VWA7: variants seen among roughly 807,000 people sequenced by gnomAD.
VWA7 encodes von Willebrand factor A domain-containing protein 7.
VWA7 carries 66 observed loss-of-function variants against 83.1 expected under a neutral mutation model. That is an observed-to-expected ratio of 0.79 (90% CI 0.65 to 0.98). The LOEUF (loss-of-function observed/expected upper bound fraction) is 0.98, where lower values mean the gene tolerates loss of function less well. Ranked by LOEUF, VWA7 falls within the 50% of genes least tolerant of loss-of-function variation. The pLI, the probability that VWA7 is intolerant of heterozygous loss-of-function variation, is 0.00. For missense variants in VWA7, 1,080 were observed against 1,160.2 expected (o/e 0.93, Z 1.00); for synonymous variants, 424 against 488.5 (o/e 0.87, Z 1.74).
Position 31,773,321 on chromosome 6 carries a change from C to A in VWA7, c.838G>T (p.Ala280Ser), listed in dbSNP as rs1463233464. 3 of 1,608,754 alleles carry A rather than the reference C, an allele frequency of 1.9e-6. No individual in the cohort carries two copies. The highest frequency in any genetic ancestry group is 2.2e-5 in the East Asian group (1 of 44,798). Reference sequence around the variant, plus strand: ...GAGGCTAGAAGGGCCAGTTTTGCAGCCTGGAGGTGCAGCATGTGGTGAGGG... The same window carrying A: ...GAGGCTAGAAGGGCCAGTTTTGCAGACTGGAGGTGCAGCATGTGGTGAGGG... ...FSPHHMLHLQ[A>S]AKLALLASIQ... is the part of the protein sequence containing the mutation. The change falls in exon 6 of 17, where the codon GCT (alanine) becomes TCT (serine). Residue 280 changes from alanine (A) to serine (S), a missense_variant. Coordinates refer to ENST00000375688, the MANE Select transcript of VWA7 (RefSeq NM_025258.3). The surrounding 1 kb of genome is among the most constrained non-coding windows in gnomAD (Gnocchi z 5.3).
Position 31,766,845 on chromosome 6 carries a change from G to C in VWA7, c.1883-81C>G. On this transcript the variant is annotated intron_variant, in intron 13 of 16. Coordinates refer to ENST00000375688, the MANE Select transcript of VWA7 (RefSeq NM_025258.3). The surrounding 1 kb of genome is among the most constrained non-coding windows in gnomAD (Gnocchi z 4.9). ...AAGAATTAATGGCCTTCAAAATAGG[G>C]GTTCCCTCTGGGGAGTATGGATGGG... The C allele has an allele frequency of 6.8e-7, 1 of 1,474,666 alleles. No individual in the cohort carries two copies. The highest frequency in any genetic ancestry group is 9.1e-7 in the Non-Finnish European group (1 of 1,095,278). The allele number at this position is 1,474,666 out of a possible 1,614,324, so 91.3% of individuals were successfully genotyped here.
At position 31,773,418 on chromosome 6, in the gene VWA7, GC is replaced by G. The variant is rs1384067863; in HGVS notation, c.740del (p.Gly247AlafsTer40). 1 of 1,596,642 alleles carries G rather than the reference GC, an allele frequency of 6.3e-7. No individual in the cohort carries two copies. Among genetic ancestry groups the G allele is most frequent in the African/African-American group, 1.3e-5 (1 of 74,598 alleles). ...GCTGGGAGCTGCTCCGGTCAAAATG[GC>G]CCCCGTGGCTACATTTCCCTGGGTT... Reference protein sequence around the residue: ...PKPPGKCSHGGHFDRSSSQPP... With the variant: ...PKPPGKCSHGXHFDRSSSQPP... On this transcript the variant is annotated frameshift_variant, in exon 6 of 17. Coordinates refer to ENST00000375688, the MANE Select transcript of VWA7 (RefSeq NM_025258.3). LOFTEE classifies it high-confidence loss of function. This position sits in a 1 kb window ranked among gnomAD's most constrained non-coding sequence, Gnocchi z 5.3.
intron 10 of VWA7, 134 bp from the exon 11 acceptor site, chr6:31,767,888 T>A: frequency 9.7e-7 from 1 of 1,033,094 alleles, no homozygotes; most frequent in Non-Finnish European, 1.4e-6. Context: ...ATCCCAGCAC[T>A]TTGGGAGGCT....
At position 31,765,961 on chromosome 6, in the gene VWA7, A is replaced by G; in HGVS notation, c.2421T>C (p.Thr807=). The part of the protein sequence containing the change: ...APDSVVMVTV[T]AGGREANPVP... ...CTGGGTTGGCTTCTCGTCCCCCTGC[A>G]GTCACAGTCACCATCACCACGGAAT... The change falls in exon 16 of 17, where the codon ACT becomes ACC. Residue 807 remains threonine, a synonymous_variant. Transcript: ENST00000375688. The G allele has an allele frequency of 7.4e-6, 12 of 1,613,078 alleles. No individual in the cohort carries two copies. Among genetic ancestry groups the G allele is most frequent in the Non-Finnish European group, 1.0e-5 (12 of 1,180,020 alleles).
In VWA7 at chr6:31,769,508, C is replaced by T. The variant is rs1811962168; in HGVS notation, c.1317+167G>A. 1.3e-5 allele frequency among the ~76,000 whole-genome samples: 2 copies of T among 152,202 alleles called. No homozygotes were observed. The highest frequency in any genetic ancestry group is 3.8e-4 in the East Asian group (2 of 5,198). On this transcript the variant is annotated intron_variant, in intron 9 of 16. Coordinates refer to ENST00000375688, the MANE Select transcript of VWA7 (RefSeq NM_025258.3). This position sits in a 1 kb window ranked among gnomAD's most constrained non-coding sequence, Gnocchi z 4.5. The stretch of plus-strand genomic sequence containing the variant: ...TAAGGGTAGGGCCTCTTACGTATAT[C>T]ATTAAAGGTATCAGGAAATGTTCCA...
In VWA7 at chr6:31,774,511, G is replaced by A. The variant is rs1329639120; in HGVS notation, c.721+5C>T. ...TTACTTCTGGGGAACTTTCTTGTCT[G>A]GTACCTGGAGGTTTCGGGGGATGAG... On this transcript the variant is annotated splice_donor_5th_base_variant and intron_variant, in intron 5 of 16. Transcript: ENST00000375688. 1 of 1,612,094 alleles carries A rather than the reference G, an allele frequency of 6.2e-7. No individual in the cohort carries two copies. Among genetic ancestry groups the A allele is most frequent in the African/African-American group, 1.3e-5 (1 of 74,874 alleles).
At chr6:31,768,930 T>C in intron 10 of VWA7, 88 bp downstream of exon 10, 1 of 1,366,500 alleles carries the variant, frequency 7.3e-7, no homozygotes, top group Non-Finnish European at 9.8e-7. Context: ...AACACAGCAG[T>C]GAGAGTGATT....
chr6:31,774,718 C>T (rs1345496727), intron 4 of VWA7, 92 bp from the exon 5 acceptor site: 1 of 1,097,334 alleles, frequency 9.1e-7, no homozygotes, highest in Non-Finnish European at 1.3e-6. Flanking sequence ...CTCCTCCCAG[C>T]TGGGATGAGG....
Position 31,766,770 on chromosome 6 carries a change from A to T in VWA7, c.1883-6T>A, listed in dbSNP as rs2151389981. 6.3e-7 allele frequency: 1 copy of T among 1,596,446 alleles called. No homozygotes were observed. Among genetic ancestry groups the T allele is most frequent in the East Asian group, 2.2e-5 (1 of 44,456 alleles). ...CAGCAGCTGGGTCTGAAGACCTGGG[A>T]CAGGGGCGAGGAGGGGAGAACATTG... On this transcript the variant is annotated splice_region_variant and splice_polypyrimidine_tract_variant and intron_variant, in intron 13 of 16. Coordinates refer to ENST00000375688, the MANE Select transcript of VWA7 (RefSeq NM_025258.3). The surrounding 1 kb of genome is among the most constrained non-coding windows in gnomAD (Gnocchi z 4.9).
In VWA7 at chr6:31,775,476, T is replaced by C. The variant is rs1812597685; in HGVS notation, c.514-47A>G. 5 of 1,544,504 alleles carry C rather than the reference T, an allele frequency of 3.2e-6. No individual in the cohort carries two copies. In the South Asian group the frequency reaches 5.8e-5, roughly 18 times the overall value. On this transcript the variant is annotated intron_variant, in intron 3 of 16. Transcript: ENST00000375688. This position sits in a 1 kb window ranked among gnomAD's most constrained non-coding sequence, Gnocchi z 5.9. ...GGGGAGTGAGGCACTAGTCTGGCCT[T>C]TCTCACCATCTCCAGCACTAATATG...
chr6:31,770,218 C>A, intron 7 of VWA7, 105 bp from the exon 8 acceptor site: 1 of 852,808 alleles, frequency 1.2e-6, no homozygotes. Context: ...CTGGAGCCGA[C>A]AGGTATTGAA....
Position 31,774,601 on chromosome 6 carries a change from G to A in VWA7, c.636C>T (p.Cys212=), listed in dbSNP as rs1395294549. 1.2e-5 allele frequency: 19 copies of A among 1,612,694 alleles called. No individual in the cohort carries two copies. The highest frequency in any genetic ancestry group is 1.4e-5 in the Non-Finnish European group (16 of 1,179,932). The change falls in exon 5 of 17, where the codon TGC becomes TGT. Residue 212 remains cysteine, a synonymous_variant. Transcript: ENST00000375688. ...AQVADPTCSD[C]EELSCPRNWL... ...AATTCCTGGGGCAGCTCAACTCCTCGCAATCGGAGCAGGTAGGATCGGCCA... is the reference window on the plus strand; with the variant it reads ...AATTCCTGGGGCAGCTCAACTCCTCACAATCGGAGCAGGTAGGATCGGCCA...
intron 10 of VWA7, 71 bp from the exon 11 acceptor site, chr6:31,767,825 G>A (rs1317733777): frequency 2.6e-6 from 4 of 1,538,250 alleles, no homozygotes; most frequent in African/African-American, 1.4e-5. Context: ...AGAAGAAAGG[G>A]GAGATAGAAA....
At chr6:31,767,815 A>G in intron 10 of VWA7, 61 bp from the exon 11 acceptor site, 3 of 1,557,578 alleles carry the variant, frequency 1.9e-6, no homozygotes, top group Admixed American at 3.6e-5. Flanking sequence ...TGAGGAACAA[A>G]GAAGAAAGGG....
intron 7 of VWA7, chr6:31,771,848 G>C (rs934632036): frequency 6.6e-6 from 1 of 152,022 alleles, no homozygotes; most frequent in African/African-American, 2.4e-5. Context: ...AAAATTAGCC[G>C]GGCGTGGTGG....
rs1256727022 is a variant in VWA7 at position 31,766,058 on chromosome 6, C to G, written c.2325-1G>C. 6.2e-7 allele frequency: 1 copy of G among 1,612,852 alleles called. No individual in the cohort carries two copies. Among genetic ancestry groups the G allele is most frequent in the African/African-American group, 1.3e-5 (1 of 74,946 alleles). Reference sequence around the variant, plus strand: ...CGACTCATTCAGTTCCAGGTGAGCCCTGGAGAGAGGATATAGGCGTCGCTA... The same window carrying G: ...CGACTCATTCAGTTCCAGGTGAGCCGTGGAGAGAGGATATAGGCGTCGCTA... On this transcript the variant is annotated splice_acceptor_variant, in intron 15 of 16. Transcript: ENST00000375688. LOFTEE classifies it high-confidence loss of function. This position sits in a 1 kb window ranked among gnomAD's most constrained non-coding sequence, Gnocchi z 4.9.
In VWA7 at chr6:31,776,263, C is replaced by T. The variant is rs370423114; in HGVS notation, c.235-21G>A. 5.6e-6 allele frequency: 9 copies of T among 1,603,178 alleles called. No homozygotes were observed. The highest frequency in any genetic ancestry group is 1.7e-5 in the Admixed American group (1 of 58,868). ...CGACCCTGGGGAGAATAGCGGGCGA[C>T]GGGGCTCCAGGGAGGCCCTTTGGAT... On this transcript the variant is annotated intron_variant, in intron 2 of 16. Coordinates refer to ENST00000375688, the MANE Select transcript of VWA7 (RefSeq NM_025258.3). This position sits in a 1 kb window ranked among gnomAD's most constrained non-coding sequence, Gnocchi z 6.2.
chr6:31,775,416 T>C lies in VWA7; in HGVS notation c.527A>G (p.His176Arg). The change falls in exon 4 of 17, where the codon CAT becomes CGT. Residue 176 changes from histidine to arginine, a missense_variant. By Grantham distance (29) the His-to-Arg change is conservative (BLOSUM62 0). Transcript: ENST00000375688. The surrounding 1 kb of genome is among the most constrained non-coding windows in gnomAD (Gnocchi z 5.9). ...CTCGCCCAGCTCCACCCAGTTGCTATGACTGTAGAAATCCTGGTCCGGAGG... is the reference window on the plus strand; with the variant it reads ...CTCGCCCAGCTCCACCCAGTTGCTACGACTGTAGAAATCCTGGTCCGGAGG... ...ALHALQDFYS[H>R]SNWVELGEQQ... The C allele has an allele frequency of 1.9e-6, 3 of 1,612,328 alleles. No homozygotes were observed. The highest frequency in any genetic ancestry group is 2.5e-6 in the Non-Finnish European group (3 of 1,179,690).
At position 31,773,011 on chromosome 6, in the gene VWA7, G is replaced by A. The variant is rs1812348120; in HGVS notation, c.1030C>T (p.Arg344Trp). ...ACAGGCTCCATGGGGCTGCCTCTCCGCTGCTCCACAAGGTGGCGAGCCTGG... is the reference window on the plus strand; with the variant it reads ...ACAGGCTCCATGGGGCTGCCTCTCCACTGCTCCACAAGGTGGCGAGCCTGG... Reference protein sequence around the residue: ...KIQARHLVEQRRGSPMEPVHY... With the variant: ...KIQARHLVEQWRGSPMEPVHY... The change falls in exon 7 of 17, where the codon CGG becomes TGG. Residue 344 changes from arginine (R) to tryptophan (W), a missense_variant. Physicochemically the swap from Arg to Trp is moderately radical, Grantham distance 101. Transcript: ENST00000375688. The surrounding 1 kb of genome is among the most constrained non-coding windows in gnomAD (Gnocchi z 5.3). 6 of 1,612,680 alleles carry A rather than the reference G, an allele frequency of 3.7e-6. No homozygotes were observed. The highest frequency in any genetic ancestry group is 4.2e-6 in the Non-Finnish European group (5 of 1,179,968).
Sources: allele counts gnomAD v4.1 joint callset (sites outside exome capture counted in the v4.1 genomes callset), GRCh38; gene constraint gnomAD v4.1.1; non-coding constraint Gnocchi (gnomAD v3.1); transcripts MANE v1.5; gene names NCBI Gene and HGNC (gene_info 2026-07-23, HGNC 2026-07-21).